MDN1: variants seen among roughly 807,000 people sequenced by gnomAD.
The protein encoded by MDN1 is midasin AAA ATPase 1.
Under a neutral mutation model 669.2 loss-of-function variants are expected in MDN1, and 266 were observed. The observed-to-expected ratio is 0.40, with a 90% CI of 0.36 to 0.44. MDN1 has a LOEUF of 0.44. Ranked by LOEUF, MDN1 falls within the 20% of genes least tolerant of loss-of-function variation. MDN1 has a pLI of 1.00. For synonymous variants in MDN1, 2,385 were observed against 2,457.1 expected (o/e 0.97, Z 0.87); for missense variants, 5,940 against 6,754.0 (o/e 0.88, Z 4.22).
intron 1 of MDN1, 120 bp from the exon 2 acceptor site, chr6:89,803,674 C>A: frequency 1.4e-6 from 1 of 729,410 alleles, no homozygotes; most frequent in South Asian, 1.9e-5. Flanking sequence ...CTCCACCTCC[C>A]GGGTTCATGC....
chr6:89,712,757 A>C lies in MDN1; in HGVS notation c.7248T>G (p.Val2416=), dbSNP rs775350552. Residue 2416 remains valine, a synonymous_variant, in exon 48 of 102, where the codon GTT becomes GTG. Coordinates refer to ENST00000369393, the MANE Select transcript of MDN1 (RefSeq NM_014611.3). ...KLVQALLEKH[V]SSLRAHETWG... Reference sequence around the variant, plus strand: ...AGGTTTCATGTGCTCGCAAAGAAGAAACATGTTTCTCCAGTAAAGCCTGTA... The same window carrying C: ...AGGTTTCATGTGCTCGCAAAGAAGACACATGTTTCTCCAGTAAAGCCTGTA... 6.2e-7 allele frequency: 1 copy of C among 1,614,200 alleles called. No homozygotes were observed. Among genetic ancestry groups the C allele is most frequent in the South Asian group, 1.1e-5 (1 of 91,088 alleles).
chr6:89,754,128 A>C lies in MDN1; in HGVS notation c.2919T>G (p.Phe973Leu), dbSNP rs776899585. The part of the protein sequence containing the change: ...SLRTLCRALR[F>L]AASNPCGNIQ... ...TGTTGCCACATGGATTGGAGGCTGC[A>C]AATCGCAGGGCCCGGCACAGAGTCC... The change falls in exon 21 of 102, where the codon TTT (phenylalanine) becomes TTG (leucine). Residue 973 changes from phenylalanine (F) to leucine (L), a missense_variant. By Grantham distance (22) the Phe-to-Leu change is conservative. This residue lies in a region of MDN1 where 1,203 missense variants were observed against 1,268.9 expected (regional missense o/e 0.95). Coordinates refer to ENST00000369393, the MANE Select transcript of MDN1 (RefSeq NM_014611.3). The C allele has an allele frequency of 6.2e-7, 1 of 1,614,114 alleles. No individual in the cohort carries two copies. The highest frequency in any genetic ancestry group is 2.2e-5 in the East Asian group (1 of 44,874).
chr6:89,675,361 T>A (rs546864129), intron 78 of MDN1, 103 bp downstream of exon 78: 6 of 931,818 alleles, frequency 6.4e-6, no homozygotes, highest in Non-Finnish European at 9.6e-6. Context: ...CATTTCACAA[T>A]TGAGAGCATG....
Position 89,680,572 on chromosome 6 carries a change from T to C in MDN1, c.12265+17A>G, listed in dbSNP as rs751173077. 6.2e-7 allele frequency: 1 copy of C among 1,609,620 alleles called. No individual in the cohort carries two copies. The highest frequency in any genetic ancestry group is 1.3e-5 in the African/African-American group (1 of 74,824). On this transcript the variant is annotated intron_variant, in intron 74 of 101. Transcript: ENST00000369393. ...AAAACAGAAAGATCCACCCTTGACT[T>C]GGATGCTGGCACCCACCTGTGAACT... is the stretch of plus-strand genomic sequence containing the variant.
intron 56 of MDN1, 148 bp downstream of exon 56, chr6:89,700,498 G>A (rs1360387776): frequency 1.9e-5 from 15 of 774,732 alleles, no homozygotes; most frequent in Non-Finnish European, 2.9e-5. Flanking sequence ...GTGAAATTTA[G>A]TCCTATGCCT....
Position 89,793,825 on chromosome 6 carries a change from G to C in MDN1, c.792C>G (p.Ser264=). ...CACCACAAACAGCTGTCACCCTAGG[G>C]GAGAGGTCAGACGAAACAAGATGTC... ...LQGHLVSSDL[S]PRVTAVCGVV... is the part of the protein sequence containing the mutation. The change falls in exon 5 of 102, where the codon TCC becomes TCG. Residue 264 remains serine, a synonymous_variant. Transcript: ENST00000369393. 1 of 1,614,114 alleles carries C rather than the reference G, an allele frequency of 6.2e-7. No individual in the cohort carries two copies. The highest frequency in any genetic ancestry group is 8.5e-7 in the Non-Finnish European group (1 of 1,180,028).
rs114236310 is a variant in MDN1, at chr6:89,674,363, G to A, written c.12988C>T (p.Pro4330Ser). 9.5e-4 allele frequency: 1,533 copies of A among 1,614,216 alleles called. 10 individuals carry two copies. The African/African-American group carries it at 0.018, about 19-fold the overall frequency. ...HGNVQVLGQP[P>S]GPCLEGPELS... Reference sequence around the variant, plus strand: ...TCTGGTCCTTCCAGGCAGGGGCCAGGAGGCTGCCCCAGTACCTGGACATTG... The same window carrying A: ...TCTGGTCCTTCCAGGCAGGGGCCAGAAGGCTGCCCCAGTACCTGGACATTG... The change falls in exon 79 of 102, where the codon CCT becomes TCT. Residue 4330 changes from proline (P) to serine (S), a missense_variant. Pro to Ser is a moderately conservative substitution (Grantham distance 74). This residue lies in a region of MDN1 where 2,280 missense variants were observed against 2,576.3 expected (regional missense o/e 0.88). Transcript: ENST00000369393.
chr6:89,794,250 G>T, intron 3 of MDN1, 43 bp from the exon 4 acceptor site: 1 of 1,110,428 alleles, frequency 9.0e-7, no homozygotes, highest in South Asian at 1.4e-5. Context: ...ATCTGCAGTT[G>T]ATAATAAAGA....
intron 92 of MDN1, among the ~76,000 whole-genome samples, chr6:89,655,442 A>T (rs1437162524): frequency 1.3e-5 from 2 of 152,206 alleles, no homozygotes; most frequent in Non-Finnish European, 2.9e-5. Flanking sequence ...TTTAACTATT[A>T]TATTTAAGGA....
Position 89,749,537 on chromosome 6 carries a change from A to G in MDN1, c.3615+6T>C, listed in dbSNP as rs1395391605. ...AAATTGAAGGAAGGAGACAAATGCT[A>G]CATACCTTTCTGCCTCCATAAAGTC... On this transcript the variant is annotated splice_donor_region_variant and intron_variant, in intron 25 of 101. Coordinates refer to ENST00000369393, the MANE Select transcript of MDN1 (RefSeq NM_014611.3). 2.5e-6 allele frequency: 4 copies of G among 1,613,742 alleles called. No homozygotes were observed. The highest frequency in any genetic ancestry group is 2.7e-5 in the African/African-American group (2 of 74,946).
Position 89,732,651 on chromosome 6 carries a change from C to T in MDN1, c.4848G>A (p.Gly1616=), listed in dbSNP as rs765144271. Residue 1616 remains glycine, a synonymous_variant, in exon 34 of 102, where the codon GGG becomes GGA. Coordinates refer to ENST00000369393, the MANE Select transcript of MDN1 (RefSeq NM_014611.3). ...LSWVNFMNKM[G]EEAALKRPEI... ...CTGGCCTTTTCAAAGCAGCTTCCTC[C>T]CCCATTTTGTTCATGAAGTTAACCC... 3.7e-6 allele frequency: 6 copies of T among 1,613,892 alleles called. No individual in the cohort carries two copies. The African/African-American group carries it at 8.0e-5, about 22-fold the overall frequency.
At chr6:89,755,635 T>G (rs924235729) in intron 20 of MDN1, among the ~76,000 whole-genome samples, 4 of 152,142 alleles carry the variant, frequency 2.6e-5, no homozygotes, top group African/African-American at 9.7e-5. Context: ...ATCACCCTAT[T>G]TCAATCCTTT....
At chr6:89,767,653 G>A (rs1376862878) in intron 15 of MDN1, among the ~76,000 whole-genome samples, 1 of 152,148 alleles carries the variant, frequency 6.6e-6, no homozygotes, top group African/African-American at 2.4e-5. Flanking sequence ...CTACTCGGGA[G>A]GCTGAGGCAG....
intron 53 of MDN1, among the ~76,000 whole-genome samples, chr6:89,705,108 T>C (rs1284708706): frequency 6.6e-6 from 1 of 152,176 alleles, no homozygotes; most frequent in Non-Finnish European, 1.5e-5. Flanking sequence ...CAAGAATCCA[T>C]CTTTTCACAA....
chr6:89,750,324 T>C (rs761567341), intron 24 of MDN1, 30 bp downstream of exon 24: 3 of 1,567,000 alleles, frequency 1.9e-6, no homozygotes, highest in Non-Finnish European at 2.6e-6. Context: ...AATAAACACC[T>C]ATGTCCATGG....
chr6:89,656,178 CAAAG>C (rs1809277607), intron 91 of MDN1, among the ~76,000 whole-genome samples: 1 of 152,022 alleles, frequency 6.6e-6, no homozygotes, highest in Non-Finnish European at 1.5e-5. Context: ...AAAATGAAGG[CAAAG>C]AAACACACTT....
In MDN1 at chr6:89,700,695, T is replaced by C. The variant is rs114109074; in HGVS notation, c.8589A>G (p.Gln2863=). The C allele has an allele frequency of 4.3e-6, 7 of 1,614,248 alleles. No individual in the cohort carries two copies. In the East Asian group the frequency reaches 6.7e-5, roughly 15 times the overall value. Reference sequence around the variant, plus strand: ...TTGCTCTGAGGATCAGTCCCCAGGCTTGCAGGAGACTTTTCTTTAATGTCC... The same window carrying C: ...TTGCTCTGAGGATCAGTCCCCAGGCCTGCAGGAGACTTTTCTTTAATGTCC... ...SQWTLKKSLL[Q]AWGLILRANI... The change falls in exon 56 of 102, where the codon CAA becomes CAG. Residue 2863 remains glutamine (Q), a synonymous_variant. Coordinates refer to ENST00000369393, the MANE Select transcript of MDN1 (RefSeq NM_014611.3).
chr6:89,645,779 G>A (rs1045838055), intron 100 of MDN1, among the ~76,000 whole-genome samples: 5 of 152,126 alleles, frequency 3.3e-5, no homozygotes, highest in African/African-American at 1.2e-4. Context: ...TGAGTTGAGG[G>A]TGGGCTGTTT....
At position 89,758,361 on chromosome 6, in the gene MDN1, G is replaced by T. The variant is rs748855733; in HGVS notation, c.2606-10C>A. On this transcript the variant is annotated splice_polypyrimidine_tract_variant and intron_variant, in intron 18 of 101. Coordinates refer to ENST00000369393, the MANE Select transcript of MDN1 (RefSeq NM_014611.3). ...TGCCGAACCAGTGGCTCTGTTAAGA[G>T]AAAATTACAAATTCTCAACAAAGGT... The T allele has an allele frequency of 5.7e-6, 9 of 1,590,988 alleles. No homozygotes were observed. The African/African-American group carries it at 9.4e-5, about 17-fold the overall frequency.
Sources: gnomAD v4.1 joint callset for allele counts (sites outside exome capture counted in the v4.1 genomes callset) on GRCh38, gnomAD v4.1.1 for gene constraint, gnomAD v4.1.1 regional missense constraint, MANE v1.5 for transcripts, NCBI Gene and HGNC (gene_info 2026-07-23, HGNC 2026-07-21) for gene names.